Variants in GABRG2 observed in about 807,000 individuals in gnomAD.
GABRG2 encodes gamma-aminobutyric acid receptor subunit gamma-2.
A neutral mutation model predicts 56.4 loss-of-function variants in GABRG2; 16 were observed. The ratio of observed to expected loss-of-function variants is 0.28; its 90% CI spans 0.19 to 0.43. The LOEUF (loss-of-function observed/expected upper bound fraction) is 0.43. Ranked by LOEUF, GABRG2 falls within the 20% of genes least tolerant of loss-of-function variation. GABRG2 has a pLI of 1.00. For missense variants in GABRG2, 327 were observed against 582.7 expected (o/e 0.56, Z 4.52); for synonymous variants, 208 against 205.5 (o/e 1.01, Z -0.10).
At chr5:162,101,493 A>C in intron 5 of GABRG2, 176 bp downstream of exon 5, 1 of 633,658 alleles carries the variant, frequency 1.6e-6, no homozygotes, top group Non-Finnish European at 2.8e-6. Context: ...GATTAGGGTG[A>C]TTCCTGCAAA....
intron 1 of GABRG2, among the ~76,000 whole-genome samples, chr5:162,084,348 ATGC>A (rs1759891183): frequency 6.6e-6 from 1 of 151,902 alleles, no homozygotes; most frequent in Non-Finnish European, 1.5e-5. Context: ...ATTGAAGATG[ATGC>A]TATTTTGAAT....
In GABRG2 at chr5:162,152,286, A is replaced by G. The variant is rs556874190; in HGVS notation, c.1152+533A>G. ...TCCCTGAGCCTTTTGGCTCTACTAT[A>G]ATGTGTTGCAATGAGATTTCTATTC... On this transcript the variant is annotated intron_variant, in intron 9 of 9. Transcript: ENST00000639213. 4.7e-5 allele frequency: 11 copies of G among 232,774 alleles called. No homozygotes were observed. The South Asian group carries it at 5.5e-4, about 12-fold the overall frequency. 14.4% of individuals were successfully genotyped at this position (232,774 alleles called of 1,614,324 possible). A position where few individuals can be genotyped will look rare whatever the true frequency, so the allele number is the denominator to read the frequency against.
chr5:162,067,638 A>G (rs539125710), upstream of GABRG2: 1 of 539,786 alleles, frequency 1.9e-6, no homozygotes, highest in Non-Finnish European at 3.2e-6. Flanking sequence ...CCAGGGGAGA[A>G]CGCGTAAGTG....
At chr5:162,102,314 A>G (rs1308587816) in intron 5 of GABRG2, 1 of 325,244 alleles carries the variant, frequency 3.1e-6, no homozygotes, top group Non-Finnish European at 6.2e-6. Flanking sequence ...CTTTAGAGAG[A>G]TAAGCCTTCC....
chr5:162,138,777 A>T (rs540402197), intron 6 of GABRG2, among the ~76,000 whole-genome samples: 45 of 152,328 alleles, frequency 3.0e-4, no homozygotes, highest in African/African-American at 8.4e-4. Flanking sequence ...TAGGATATTT[A>T]CAGATAATAT....
intron 8 of GABRG2, chr5:162,149,742 T>A (rs1357126267): frequency 2.2e-6 from 1 of 446,186 alleles, no homozygotes; most frequent in Admixed American, 2.5e-5. Context: ...GCCCCCTGAG[T>A]AGCTGGGACT....
At chr5:162,081,607 C>T (rs77964400) in intron 1 of GABRG2, among the ~76,000 whole-genome samples, 4 of 151,990 alleles carry the variant, frequency 2.6e-5, no homozygotes, top group Non-Finnish European at 5.9e-5. Flanking sequence ...TAGCATAATA[C>T]TTTTGAGATT....
chr5:162,149,046 T>A, intron 7 of GABRG2, 62 bp from the exon 8 acceptor site: 1 of 1,461,602 alleles, frequency 6.8e-7, no homozygotes, highest in South Asian at 1.1e-5. Context: ...GTCTCACGAG[T>A]GACTCAGTTA....
intron 1 of GABRG2, among the ~76,000 whole-genome samples, chr5:162,092,172 A>AT (rs1394467663): frequency 7.9e-5 from 12 of 151,732 alleles, no homozygotes; most frequent in Non-Finnish European, 1.5e-4. Context: ...CCCAAGAGGG[A>AT]TTTTTTTTCT....
chr5:162,074,391 AG>A (rs1015962807), intron 1 of GABRG2, among the ~76,000 whole-genome samples: 8 of 152,178 alleles, frequency 5.3e-5, no homozygotes, highest in East Asian at 3.9e-4. Flanking sequence ...GGAGAAAACA[AG>A]GGTTGTTTTA....
chr5:162,131,251 C>T (rs189804339), intron 6 of GABRG2, among the ~76,000 whole-genome samples: 65 of 152,074 alleles, frequency 4.3e-4, no homozygotes, highest in Middle Eastern at 6.8e-3. Context: ...AGCCTAGTTT[C>T]GTGATAATAT....
chr5:162,105,245 C>T (rs1761715379), intron 6 of GABRG2, among the ~76,000 whole-genome samples: 3 of 152,094 alleles, frequency 2.0e-5, no homozygotes, highest in Admixed American at 2.0e-4. Context: ...AAGTACCATC[C>T]TTCAAATCAA....
chr5:162,073,320 A>G (rs2113126582), intron 1 of GABRG2, among the ~76,000 whole-genome samples: 2 of 152,022 alleles, frequency 1.3e-5, no homozygotes, highest in East Asian at 3.9e-4. Flanking sequence ...AGCTGAACAA[A>G]TATTATGTTT....
intron 1 of GABRG2, among the ~76,000 whole-genome samples, chr5:162,081,497 A>G (rs1997583): frequency 6.6e-6 from 1 of 151,974 alleles, no homozygotes; most frequent in South Asian, 2.1e-4. Context: ...AGCAAACAAC[A>G]ACAACAACTA....
chr5:162,126,249 A>G (rs1019035303), intron 6 of GABRG2, among the ~76,000 whole-genome samples: 12 of 152,100 alleles, frequency 7.9e-5, no homozygotes, highest in Non-Finnish European at 1.5e-4. Flanking sequence ...TATTGAGAGT[A>G]TGACTGAAGA....
chr5:162,101,109 G>A (rs1761381192), intron 4 of GABRG2, 126 bp from the exon 5 acceptor site: 2 of 724,814 alleles, frequency 2.8e-6, no homozygotes, highest in South Asian at 1.6e-5. Context: ...CTTCATTGGG[G>A]ATCACTCTGT....
intron 8 of GABRG2, chr5:162,150,191 T>C (rs993167013): frequency 6.6e-6 from 1 of 152,380 alleles, no homozygotes; most frequent in Non-Finnish European, 1.5e-5. Context: ...TGTAGTGTAT[T>C]ATTTAAAAAC....
intron 8 of GABRG2, chr5:162,149,636 T>G: frequency 1.5e-6 from 1 of 669,520 alleles, no homozygotes; most frequent in Non-Finnish European, 2.8e-6. Flanking sequence ...TTTTTTGAGA[T>G]GGAGTGTCAC....
chr5:162,129,489 A>T (rs1763569850), intron 6 of GABRG2, among the ~76,000 whole-genome samples: 1 of 152,024 alleles, frequency 6.6e-6, no homozygotes, highest in Non-Finnish European at 1.5e-5. Context: ...AGTGAAAAAA[A>T]AAATGATAGT....
Sources: allele counts gnomAD v4.1 joint callset (sites outside exome capture counted in the v4.1 genomes callset), GRCh38; gene constraint gnomAD v4.1.1; transcripts MANE v1.5; gene names NCBI Gene and HGNC (gene_info 2026-07-23, HGNC 2026-07-21).